The following PTPRG variants were observed in gnomAD, a reference collection of about 807,000 sequenced individuals.
PTPRG encodes the protein receptor-type tyrosine-protein phosphatase gamma.
A neutral mutation model predicts 165.3 loss-of-function variants in PTPRG; 102 were observed. That is an observed-to-expected ratio of 0.62 (90% CI 0.53 to 0.73). The LOEUF is 0.73. PTPRG is among the 30% of genes least tolerant of loss of function. PTPRG has a pLI of 0.00. For synonymous variants in PTPRG, 675 were observed against 669.5 expected (o/e 1.01, Z -0.13); for missense variants, 1,866 against 1,861.4 (o/e 1.00, Z -0.05).
intron 2 of PTPRG, among the ~76,000 whole-genome samples, chr3:61,760,666 A>G (rs1047406499): frequency 4.6e-5 from 7 of 152,076 alleles, no homozygotes; most frequent in African/African-American, 1.7e-4. Flanking sequence ...TACAAAGGGA[A>G]AGTGCGCCTG....
At chr3:62,031,830 A>T (rs377449221) in intron 4 of PTPRG, among the ~76,000 whole-genome samples, 1 of 152,162 alleles carries the variant, frequency 6.6e-6, no homozygotes, top group African/African-American at 2.4e-5. Context: ...GGTTTGTGCA[A>T]CTAGGTCCAA....
chr3:61,676,239 C>T (rs774295889), intron 1 of PTPRG, among the ~76,000 whole-genome samples: 22 of 151,634 alleles, frequency 1.5e-4, no homozygotes, highest in Non-Finnish European at 2.8e-4. Flanking sequence ...GGGCAGATCA[C>T]GAGGTCAGGA....
At chr3:61,700,171 G>A (rs56169290) in intron 1 of PTPRG, among the ~76,000 whole-genome samples, 1 of 152,098 alleles carries the variant, frequency 6.6e-6, no homozygotes, top group South Asian at 2.1e-4. Flanking sequence ...GCCATATGCT[G>A]CTAAAACTTG....
chr3:62,006,663 T>C (rs1393808533), intron 4 of PTPRG, among the ~76,000 whole-genome samples: 1 of 152,174 alleles, frequency 6.6e-6, no homozygotes, highest in Non-Finnish European at 1.5e-5. Flanking sequence ...AGTACAGCTA[T>C]GGTTCTGAGC....
At chr3:62,197,625 C>T (rs992537097) in intron 10 of PTPRG, among the ~76,000 whole-genome samples, 5 of 152,118 alleles carry the variant, frequency 3.3e-5, no homozygotes, top group Non-Finnish European at 7.3e-5. Flanking sequence ...TTGCTGAGGC[C>T]GGGGCCCTTG....
chr3:61,833,320 A>G (rs1182316333), intron 2 of PTPRG, among the ~76,000 whole-genome samples: 1 of 152,160 alleles, frequency 6.6e-6, no homozygotes, highest in Non-Finnish European at 1.5e-5. Context: ...TCCAGTGTGC[A>G]TGTGCTTGAT....
At chr3:62,097,756 A>G (rs1268316856) in intron 5 of PTPRG, among the ~76,000 whole-genome samples, 1 of 152,156 alleles carries the variant, frequency 6.6e-6, no homozygotes, top group African/African-American at 2.4e-5. Flanking sequence ...CTATTATTTT[A>G]TAAGGTACAC....
At chr3:62,244,513 G>T (rs1265074544) in intron 15 of PTPRG, among the ~76,000 whole-genome samples, 1 of 152,134 alleles carries the variant, frequency 6.6e-6, no homozygotes, top group Non-Finnish European at 1.5e-5. Flanking sequence ...TTCTTTGCCA[G>T]ATTTTAACTT....
At chr3:61,656,966 C>T (rs1342743607) in intron 1 of PTPRG, among the ~76,000 whole-genome samples, 2 of 152,156 alleles carry the variant, frequency 1.3e-5, no homozygotes, top group African/African-American at 4.8e-5. Flanking sequence ...CTTTCCCTTA[C>T]ACATCAAAAA....
intron 1 of PTPRG, among the ~76,000 whole-genome samples, chr3:61,670,632 A>C (rs556048586): frequency 6.6e-6 from 1 of 152,256 alleles, no homozygotes; most frequent in South Asian, 2.1e-4. Context: ...ACGAAATAGA[A>C]ACCTTCTAGA....
chr3:62,204,054 A>C, intron 12 of PTPRG, 104 bp downstream of exon 12: 1 of 1,450,934 alleles, frequency 6.9e-7, no homozygotes, highest in Non-Finnish European at 9.1e-7. Context: ...GGTACTTAAT[A>C]TTCTTAGAAT....
At chr3:61,605,014 T>G (rs1408276167) in intron 1 of PTPRG, among the ~76,000 whole-genome samples, 2 of 152,072 alleles carry the variant, frequency 1.3e-5, no homozygotes, top group Non-Finnish European at 2.9e-5. Flanking sequence ...GTAGCCCAGG[T>G]CTCTTCGGAC....
intron 1 of PTPRG, among the ~76,000 whole-genome samples, chr3:61,667,644 G>A (rs1048214726): frequency 6.6e-6 from 1 of 152,022 alleles, no homozygotes; most frequent in Non-Finnish European, 1.5e-5. Flanking sequence ...CAGAATTACC[G>A]GCTAATAAAT....
intron 6 of PTPRG, among the ~76,000 whole-genome samples, chr3:62,142,965 C>T (rs530858535): frequency 5.3e-5 from 8 of 152,166 alleles, no homozygotes; most frequent in Non-Finnish European, 7.3e-5. Context: ...CAGTCAGAGG[C>T]GGGGCGACTT....
chr3:61,729,366 C>T lies in PTPRG; in HGVS notation c.86-19512C>T, dbSNP rs1000481610. 2.0e-5 allele frequency among the ~76,000 whole-genome samples: 3 copies of T among 152,178 alleles called. No individual in the cohort carries two copies. In the East Asian group the frequency reaches 5.8e-4, roughly 29 times the overall value. ...GTTCTTTCCCCTTTGTAAAGGTTGGCAACTGATTGACATTTAAAAACCGCT... is the reference window on the plus strand; with the variant it reads ...GTTCTTTCCCCTTTGTAAAGGTTGGTAACTGATTGACATTTAAAAACCGCT... On this transcript the variant is annotated intron_variant, in intron 1 of 29. Coordinates refer to ENST00000474889, the MANE Select transcript of PTPRG (RefSeq NM_002841.4).
chr3:61,704,411 C>G lies in PTPRG; in HGVS notation c.86-44467C>G, dbSNP rs565946051. Among the ~76,000 whole-genome samples the G allele has an allele frequency of 2.6e-5, 4 of 152,246 alleles. No individual in the cohort carries two copies. The South Asian group carries it at 6.2e-4, about 24-fold the overall frequency. On this transcript the variant is annotated intron_variant, in intron 1 of 29. Coordinates refer to ENST00000474889, the MANE Select transcript of PTPRG (RefSeq NM_002841.4). ...TAAAATGGGGAGCATAGGATTACAT[C>G]AAGGATTCTTCACCTTTTCTTGGTA...
chr3:61,672,595 T>A (rs1703049186), intron 1 of PTPRG, among the ~76,000 whole-genome samples: 1 of 150,366 alleles, frequency 6.7e-6, no homozygotes, highest in African/African-American at 2.5e-5. Context: ...CGGCGCCGCC[T>A]GCAATTGCAG....
Position 61,842,547 on chromosome 3 carries a change from C to T in PTPRG, c.190+93565C>T, listed in dbSNP as rs548375515. 1.4e-4 allele frequency among the ~76,000 whole-genome samples: 22 copies of T among 152,278 alleles called. No homozygotes were observed. In the South Asian group the frequency reaches 1.7e-3, roughly 11 times the overall value. ...GCCCACATTAAATCAACCCAACTTA[C>T]ATTTAGTATGTGCAGTACACATTTA... On this transcript the variant is annotated intron_variant, in intron 2 of 29. Coordinates refer to ENST00000474889, the MANE Select transcript of PTPRG (RefSeq NM_002841.4).
chr3:61,823,989 TG>T (rs780290206), intron 2 of PTPRG, among the ~76,000 whole-genome samples: 1 of 152,116 alleles, frequency 6.6e-6, no homozygotes, highest in Non-Finnish European at 1.5e-5. Context: ...CCAGGCGTGG[TG>T]GCGGGCGCCT....
Sources: gnomAD v4.1 joint callset for allele counts (sites outside exome capture counted in the v4.1 genomes callset) on GRCh38, gnomAD v4.1.1 for gene constraint, MANE v1.5 for transcripts, NCBI Gene and HGNC (gene_info 2026-07-23, HGNC 2026-07-21) for gene names.